The following ITGBL1 variants were observed in gnomAD, a reference collection of about 807,000 sequenced individuals.
ITGBL1 encodes the protein integrin subunit beta like 1, also known as integrin beta-like protein 1.
In ITGBL1, 51 loss-of-function variants were observed where a neutral mutation model predicts 68.5. The ratio of observed to expected loss-of-function variants is 0.74; its 90% CI spans 0.59 to 0.94. The LOEUF (loss-of-function observed/expected upper bound fraction) is 0.94, where lower values mean the gene tolerates loss of function less well. ITGBL1 is among the 40% of genes least tolerant of loss of function. ITGBL1 has a pLI of 0.00. For missense variants in ITGBL1, 649 were observed against 647.4 expected, an observed-to-expected ratio of 1.00 and a Z score of -0.03; for synonymous variants, 209 against 227.3, an observed-to-expected ratio of 0.92 and a Z score of 0.72.
At chr13:101,474,917 TAAC>T (rs1377860023) in intron 2 of ITGBL1, among the ~76,000 whole-genome samples, 1 of 152,162 alleles carries the variant, frequency 6.6e-6, no homozygotes, top group African/African-American at 2.4e-5. Flanking sequence ...AAGATTTAGA[TAAC>T]AACACTCAAT....
chr13:101,512,047 C>G (rs1316289281), intron 2 of ITGBL1, among the ~76,000 whole-genome samples: 4 of 152,088 alleles, frequency 2.6e-5, no homozygotes, highest in Admixed American at 1.3e-4. Context: ...AAATAATACC[C>G]CTCTGACAAA....
At chr13:101,485,653 G>T (rs1451726952) in intron 2 of ITGBL1, among the ~76,000 whole-genome samples, 3 of 152,050 alleles carry the variant, frequency 2.0e-5, no homozygotes, top group South Asian at 2.1e-4. Context: ...TTACCTGGGC[G>T]TGGTGGCAGG....
chr13:101,678,246 G>C (rs1479553619), intron 7 of ITGBL1, among the ~76,000 whole-genome samples: 1 of 152,070 alleles, frequency 6.6e-6, no homozygotes, highest in African/African-American at 2.4e-5. Context: ...TCTGCGACTT[G>C]GGGAAGTTTA....
At chr13:101,648,003 A>G (rs1449084623) in intron 7 of ITGBL1, among the ~76,000 whole-genome samples, 1 of 152,176 alleles carries the variant, frequency 6.6e-6, no homozygotes, top group Middle Eastern at 3.2e-3. Context: ...GTATGGAAGT[A>G]TTGGTGAATC....
rs368111749 is a variant in ITGBL1, at chr13:101,579,390, A to T, written c.690A>T (p.Arg230Ser). 24 of 1,613,752 alleles carry T rather than the reference A, an allele frequency of 1.5e-5. No individual in the cohort carries two copies. The highest frequency in any genetic ancestry group is 3.3e-5 in the Admixed American group (2 of 59,896). ...TCACCCCCTGGGAAAGCAAGCGAAG[A>T]TGCACGTCTCCAGATGGCAAAATCT... is the stretch of plus-strand genomic sequence containing the variant. The part of the protein sequence containing the change: ...CDITPWESKR[R>S]CTSPDGKICS... The change falls in exon 5 of 11, where the codon AGA (arginine) becomes AGT (serine). Residue 230 changes from arginine (R) to serine (S), a missense_variant. Coordinates refer to ENST00000376180, the MANE Select transcript of ITGBL1 (RefSeq NM_004791.3).
chr13:101,635,018 CT>C (rs149815835), intron 7 of ITGBL1, among the ~76,000 whole-genome samples: 3,994 of 148,306 alleles, frequency 0.027, 59 homozygotes, highest in Non-Finnish European at 0.04. Flanking sequence ...TTCGAATTTC[CT>C]TTTTTTTTAG....
At chr13:101,526,152 C>CT (rs199695076) in intron 2 of ITGBL1, among the ~76,000 whole-genome samples, 3,409 of 60,746 alleles carry the variant, frequency 0.056, 135 homozygotes, top group African/African-American at 0.2. Context: ...TCTTCTTCTT[C>CT]TTCTTTTTTT....
chr13:101,551,705 A>G (rs2049923657), intron 2 of ITGBL1, among the ~76,000 whole-genome samples: 2 of 152,180 alleles, frequency 1.3e-5, no homozygotes, highest in African/African-American at 4.8e-5. Flanking sequence ...TTTGCAAGTC[A>G]AAGTGATTTT....
At chr13:101,601,075 T>C (rs1367000514) in intron 7 of ITGBL1, among the ~76,000 whole-genome samples, 6 of 152,166 alleles carry the variant, frequency 3.9e-5, no homozygotes, top group Non-Finnish European at 7.3e-5. Flanking sequence ...TCGTGGACTG[T>C]GTTTGGTTGG....
chr13:101,521,264 T>C (rs916444559), intron 2 of ITGBL1, among the ~76,000 whole-genome samples: 1 of 152,208 alleles, frequency 6.6e-6, no homozygotes, highest in African/African-American at 2.4e-5. Flanking sequence ...GCAAGGGACA[T>C]AGCAACAGAT....
intron 2 of ITGBL1, among the ~76,000 whole-genome samples, chr13:101,466,946 G>T (rs537779304): frequency 1.3e-5 from 2 of 152,248 alleles, no homozygotes; most frequent in East Asian, 3.9e-4. Flanking sequence ...CAAATTTAAT[G>T]CTCACAGTTC....
intron 2 of ITGBL1, among the ~76,000 whole-genome samples, chr13:101,526,679 GTGTGTGTA>G (rs1353763942): frequency 6.6e-6 from 1 of 151,880 alleles, no homozygotes; most frequent in African/African-American, 2.4e-5. Context: ...GTGTGTGTGT[GTGTGTGTA>G]TGTAAGAAAA....
chr13:101,608,945 G>A (rs1026067035), intron 7 of ITGBL1, among the ~76,000 whole-genome samples: 24 of 151,942 alleles, frequency 1.6e-4, no homozygotes, highest in African/African-American at 4.1e-4. Context: ...TTTTTCAGAA[G>A]GAAAGGCCTG....
At chr13:101,705,348 C>G (rs1163124290) in intron 8 of ITGBL1, among the ~76,000 whole-genome samples, 1 of 151,070 alleles carries the variant, frequency 6.6e-6, no homozygotes, top group Non-Finnish European at 1.5e-5. Context: ...AAGAAACCCT[C>G]TCCAGGAGAC....
chr13:101,570,726 A>C (rs12585460), intron 3 of ITGBL1, among the ~76,000 whole-genome samples: 1 of 152,088 alleles, frequency 6.6e-6, no homozygotes, highest in African/African-American at 2.4e-5. Flanking sequence ...TGGTTGCCTT[A>C]TTTAGTCTAT....
intron 7 of ITGBL1, among the ~76,000 whole-genome samples, chr13:101,684,007 T>C (rs761550676): frequency 1.3e-5 from 2 of 152,026 alleles, no homozygotes; most frequent in Non-Finnish European, 2.9e-5. Flanking sequence ...TCTCTCATTC[T>C]GTGGCTCACC....
chr13:101,688,081 A>G (rs753469440), intron 7 of ITGBL1, among the ~76,000 whole-genome samples: 4 of 152,112 alleles, frequency 2.6e-5, no homozygotes, highest in Non-Finnish European at 4.4e-5. Flanking sequence ...TAAACAAAAG[A>G]AAAAGATTGG....
intron 9 of ITGBL1, 87 bp from the exon 10 acceptor site, chr13:101,714,351 C>G: frequency 1.2e-6 from 1 of 805,254 alleles, no homozygotes. Context: ...TATTAGAAGC[C>G]TGTTGTCAGT....
intron 7 of ITGBL1, among the ~76,000 whole-genome samples, chr13:101,637,905 A>T (rs1311767913): frequency 6.6e-6 from 1 of 152,334 alleles, no homozygotes; most frequent in East Asian, 1.9e-4. Context: ...AATGAAAAAC[A>T]AATCTTCATT....
Sources: gnomAD v4.1 joint callset for allele counts (sites outside exome capture counted in the v4.1 genomes callset) on GRCh38, gnomAD v4.1.1 for gene constraint, MANE v1.5 for transcripts, NCBI Gene and HGNC (gene_info 2026-07-23, HGNC 2026-07-21) for gene names.